The following NEK10 variants were observed in gnomAD, a reference collection of about 807,000 sequenced individuals.
NEK10 encodes serine/threonine-protein kinase Nek10.
Under a neutral mutation model 159.8 loss-of-function variants are expected in NEK10, and 122 were observed. That is an observed-to-expected ratio of 0.76 (90% CI 0.66 to 0.89). NEK10 has a LOEUF of 0.89. NEK10 is among the 40% of genes least tolerant of loss of function. The pLI is 0.00. For missense variants in NEK10, 1,342 were observed against 1,323.1 expected, an observed-to-expected ratio of 1.01 and a Z score of -0.22; for synonymous variants, 466 against 457.1, an observed-to-expected ratio of 1.02 and a Z score of -0.25.
At chr3:27,141,383 C>T (rs1943770397) in intron 31 of NEK10, 99 bp downstream of exon 31, 2 of 853,094 alleles carry the variant, frequency 2.3e-6, no homozygotes, top group Non-Finnish European at 3.7e-6. Context: ...AGGATAAGAA[C>T]AAGAATTCAA....
At position 27,365,610 on chromosome 3, in the gene NEK10, G is replaced by GTTTTTTTTTTTT. The variant is rs71091129; in HGVS notation, c.-38+3603_-38+3614dup. ...TTGGTTTTTTGTGTTTTTTTTTTGTGTTTTTTTTTTTTTTTTTTTTGAGAT... is the reference window on the plus strand; with the variant it reads ...TTGGTTTTTTGTGTTTTTTTTTTGTGTTTTTTTTTTTTTTTTTTTTTTTTTTTTTTTTGAGAT... On this transcript the variant is annotated intron_variant, in intron 1 of 35. Transcript: ENST00000691995. Among the ~76,000 whole-genome samples the GTTTTTTTTTTTT allele has an allele frequency of 2.8e-4, 28 of 99,106 alleles. 1 individual carries two copies. Among genetic ancestry groups the GTTTTTTTTTTTT allele is most frequent in the South Asian group, 3.7e-4 (1 of 2,684 alleles). The allele number at this position is 99,106 out of a possible 152,430, so 65.0% of individuals were successfully genotyped here.
chr3:27,292,940 A>ATACTT (rs1384218042), intron 16 of NEK10, among the ~76,000 whole-genome samples: 1 of 152,178 alleles, frequency 6.6e-6, no homozygotes, highest in Non-Finnish European at 1.5e-5. Context: ...TATTAACTCA[A>ATACTT]TACTTTATGT....
In NEK10 at chr3:27,280,132, G is replaced by T. The variant is rs1208272405; in HGVS notation, c.2014+4470C>A. Among the ~76,000 whole-genome samples, 3 of 150,756 alleles carry T rather than the reference G, an allele frequency of 2.0e-5. No homozygotes were observed. In the East Asian group the frequency reaches 5.8e-4, roughly 29 times the overall value. ...AAAAAAAAAAAAAGCTGGGAGAGGG[G>T]ATATTCTTTGGAATGTTACTAACCC... On this transcript the variant is annotated intron_variant, in intron 22 of 35. Coordinates refer to ENST00000691995, the MANE Select transcript of NEK10 (RefSeq NM_001394966.1).
intron 35 of NEK10, among the ~76,000 whole-genome samples, chr3:27,112,874 T>C (rs1354652839): frequency 1.3e-5 from 2 of 152,212 alleles, no homozygotes; most frequent in Non-Finnish European, 2.9e-5. Flanking sequence ...TCTAAATACC[T>C]CTACATATGC....
chr3:27,278,770 C>T, intron 22 of NEK10: 1 of 985,258 alleles, frequency 1.0e-6, no homozygotes, highest in Non-Finnish European at 1.2e-6. Context: ...GTCAAGAAAT[C>T]TGGAATGGTG....
intron 5 of NEK10, 23 bp from the exon 6 acceptor site, chr3:27,322,284 C>T (rs2045698315): frequency 7.2e-7 from 1 of 1,392,510 alleles, no homozygotes; most frequent in South Asian, 1.2e-5. Flanking sequence ...AACAAGAGAA[C>T]ATGTTCACGT....
intron 26 of NEK10, among the ~76,000 whole-genome samples, chr3:27,190,858 G>C (rs986037525): frequency 1.3e-5 from 2 of 152,164 alleles, no homozygotes; most frequent in South Asian, 2.1e-4. Flanking sequence ...AGCAAAGTGA[G>C]CTCTAACTCC....
At chr3:27,126,454 G>C (rs1421894119) in intron 32 of NEK10, among the ~76,000 whole-genome samples, 1 of 152,148 alleles carries the variant, frequency 6.6e-6, no homozygotes, top group Admixed American at 6.6e-5. Context: ...TGGCCTATTA[G>C]ATAACCTGTC....
chr3:27,335,370 G>A (rs1410705891), intron 5 of NEK10, among the ~76,000 whole-genome samples: 1 of 149,262 alleles, frequency 6.7e-6, no homozygotes, highest in East Asian at 2.0e-4. Context: ...AATAATACTA[G>A]ATCTAAAGAG....
intron 22 of NEK10, among the ~76,000 whole-genome samples, chr3:27,256,877 T>C (rs150283818): frequency 4.4e-4 from 67 of 152,030 alleles, no homozygotes; most frequent in African/African-American, 1.5e-3. Flanking sequence ...TCTTGTACTT[T>C]TCAAAATATC....
chr3:27,205,156 T>G (rs1321216923), intron 23 of NEK10, among the ~76,000 whole-genome samples: 1 of 152,104 alleles, frequency 6.6e-6, no homozygotes, highest in Non-Finnish European at 1.5e-5. Context: ...TTGATGGGGT[T>G]GAAGGACCTC....
At chr3:27,240,066 C>A (rs1954379634) in intron 23 of NEK10, among the ~76,000 whole-genome samples, 1 of 152,132 alleles carries the variant, frequency 6.6e-6, no homozygotes, top group Non-Finnish European at 1.5e-5. Context: ...TTTCTCTAAT[C>A]CTACTGTTTT....
In NEK10 at chr3:27,278,923, G is replaced by T. The variant is rs548421868; in HGVS notation, c.2014+5679C>A. The T allele has an allele frequency of 9.1e-6, 9 of 985,158 alleles. No individual in the cohort carries two copies. In the African/African-American group the frequency reaches 1.6e-4, roughly 17 times the overall value. 61.0% of individuals were successfully genotyped at this position (985,158 alleles called of 1,614,324 possible). ...TCACCCCATGTACCACTGAATCGGG[G>T]TCTGTTTCCTTGGATGGTTTCAAAG... On this transcript the variant is annotated intron_variant, in intron 22 of 35. Coordinates refer to ENST00000691995, the MANE Select transcript of NEK10 (RefSeq NM_001394966.1).
At chr3:27,137,514 T>C (rs1943343617) in intron 31 of NEK10, among the ~76,000 whole-genome samples, 1 of 152,228 alleles carries the variant, frequency 6.6e-6, no homozygotes, top group Non-Finnish European at 1.5e-5. Context: ...AAGAATGCTT[T>C]TTCCATATTT....
chr3:27,354,592 T>C (rs575969493), intron 1 of NEK10, among the ~76,000 whole-genome samples: 50 of 152,296 alleles, frequency 3.3e-4, no homozygotes, highest in African/African-American at 1.0e-3. Context: ...GTTAACCTAA[T>C]CCCATTTTAA....
At chr3:27,140,820 T>C (rs1036756019) in intron 31 of NEK10, among the ~76,000 whole-genome samples, 5 of 152,168 alleles carry the variant, frequency 3.3e-5, no homozygotes, top group Non-Finnish European at 7.4e-5. Context: ...AGTGAATGAA[T>C]GAATAAACCA....
intron 5 of NEK10, among the ~76,000 whole-genome samples, chr3:27,328,336 T>G (rs2046160151): frequency 6.6e-6 from 1 of 152,108 alleles, no homozygotes; most frequent in Admixed American, 6.6e-5. Flanking sequence ...TGGTGGCCAG[T>G]GGAGAATAAT....
rs1242911115 is a variant in NEK10 at position 27,290,603 on chromosome 3, A to T, written c.1743+14T>A. The T allele has an allele frequency of 5.8e-6, 9 of 1,563,312 alleles. No homozygotes were observed. The highest frequency in any genetic ancestry group is 7.8e-6 in the Non-Finnish European group (9 of 1,154,712). On this transcript the variant is annotated intron_variant, in intron 19 of 35. Coordinates refer to ENST00000691995, the MANE Select transcript of NEK10 (RefSeq NM_001394966.1). ...TTTAAGAAAAACATCTTCAGAAACA[A>T]GGAAAACATTTACCTGCTCTTTAAT...
At chr3:27,355,326 G>A (rs1239119525) in intron 1 of NEK10, among the ~76,000 whole-genome samples, 4 of 151,932 alleles carry the variant, frequency 2.6e-5, no homozygotes, top group Non-Finnish European at 5.9e-5. Context: ...AAATTTATAT[G>A]TTCAGCCCTA....
Sources: allele counts gnomAD v4.1 joint callset (sites outside exome capture counted in the v4.1 genomes callset), GRCh38; gene constraint gnomAD v4.1.1; transcripts MANE v1.5; gene names NCBI Gene and HGNC (gene_info 2026-07-23, HGNC 2026-07-21).